The following SLCO3A1 variants were observed in gnomAD, a reference collection of about 807,000 sequenced individuals.
SLCO3A1 encodes the protein PGE1 transporter.
SLCO3A1 carries 27 observed loss-of-function variants against 63.1 expected under a neutral mutation model. That is an observed-to-expected ratio of 0.43 (90% CI 0.32 to 0.59). The LOEUF is 0.59. Among genes scored for constraint, SLCO3A1 ranks in the 20% least tolerant of loss-of-function variants. The pLI is 0.09. For synonymous variants in SLCO3A1, 473 were observed against 409.9 expected, an observed-to-expected ratio of 1.15 and a Z score of -1.86; for missense variants, 773 against 945.8, an observed-to-expected ratio of 0.82 and a Z score of 2.40.
At chr15:92,111,227 A>G (rs1238549451) in intron 4 of SLCO3A1, among the ~76,000 whole-genome samples, 1 of 152,114 alleles carries the variant, frequency 6.6e-6, no homozygotes, top group Non-Finnish European at 1.5e-5. Context: ...CACAGGACCC[A>G]CTTCATGCTT....
At chr15:91,925,175 C>T (rs933190501) in intron 2 of SLCO3A1, among the ~76,000 whole-genome samples, 2 of 152,262 alleles carry the variant, frequency 1.3e-5, no homozygotes, top group Admixed American at 6.5e-5. Flanking sequence ...CCTCTAATAA[C>T]ATGCGTATTG....
At chr15:91,919,814 CTT>C (rs993422218) in intron 2 of SLCO3A1, among the ~76,000 whole-genome samples, 1 of 151,502 alleles carries the variant, frequency 6.6e-6, no homozygotes, top group Non-Finnish European at 1.5e-5. Flanking sequence ...TTCTCAATAA[CTT>C]TATTCCTAGT....
intron 2 of SLCO3A1, among the ~76,000 whole-genome samples, chr15:92,039,515 T>A (rs2151486342): frequency 6.6e-6 from 1 of 151,798 alleles, no homozygotes; most frequent in Non-Finnish European, 1.5e-5. Flanking sequence ...AAAACGACAA[T>A]GAGATAGTGT....
intron 8 of SLCO3A1, among the ~76,000 whole-genome samples, chr15:92,147,753 C>G (rs1331257272): frequency 6.6e-6 from 1 of 152,214 alleles, no homozygotes; most frequent in African/African-American, 2.4e-5. Flanking sequence ...TTACCTGTCT[C>G]TGGGGACCTG....
At chr15:92,083,387 C>T (rs1280494526) in intron 2 of SLCO3A1, among the ~76,000 whole-genome samples, 1 of 152,146 alleles carries the variant, frequency 6.6e-6, no homozygotes, top group Non-Finnish European at 1.5e-5. Context: ...TCTCACTGTC[C>T]TCAGGTGCCC....
chr15:91,909,492 T>C (rs1025877781), intron 1 of SLCO3A1, among the ~76,000 whole-genome samples: 9 of 152,204 alleles, frequency 5.9e-5, no homozygotes, highest in African/African-American at 1.7e-4. Flanking sequence ...CCACAGGTTT[T>C]TGCAGGACCA....
downstream of SLCO3A1, among the ~76,000 whole-genome samples, chr15:92,169,432 C>T (rs1327356909): frequency 6.6e-6 from 1 of 152,216 alleles, no homozygotes; most frequent in Non-Finnish European, 1.5e-5. Flanking sequence ...TGTGGGGCCC[C>T]ACATGCTCCC....
chr15:92,130,216 A>G (rs1328483431), intron 7 of SLCO3A1, among the ~76,000 whole-genome samples: 2 of 152,260 alleles, frequency 1.3e-5, no homozygotes, highest in Non-Finnish European at 2.9e-5. Context: ...AGTCTTATTG[A>G]ATAAGAGCCT....
chr15:91,876,196 TC>T (rs1456960804), intron 1 of SLCO3A1, among the ~76,000 whole-genome samples: 1 of 152,214 alleles, frequency 6.6e-6, no homozygotes, highest in African/African-American at 2.4e-5. Flanking sequence ...TCTTCAGCTT[TC>T]ACTCCCAGGA....
intron 2 of SLCO3A1, among the ~76,000 whole-genome samples, chr15:91,952,954 G>A (rs1900047187): frequency 6.6e-6 from 1 of 152,170 alleles, no homozygotes; most frequent in South Asian, 2.1e-4. Flanking sequence ...AGAGGCAGCT[G>A]AGTGAGTCAC....
chr15:92,062,803 T>G (rs1286176730), intron 2 of SLCO3A1, among the ~76,000 whole-genome samples: 1 of 152,184 alleles, frequency 6.6e-6, no homozygotes, highest in Non-Finnish European at 1.5e-5. Context: ...TGCTGGATGC[T>G]CATTAAGGCT....
chr15:92,108,390 T>C (rs1044797425), intron 4 of SLCO3A1, among the ~76,000 whole-genome samples: 1 of 152,222 alleles, frequency 6.6e-6, no homozygotes, highest in Non-Finnish European at 1.5e-5. Flanking sequence ...CACCTCACAT[T>C]CGTCCTCTTG....
intron 2 of SLCO3A1, among the ~76,000 whole-genome samples, chr15:92,010,595 A>G (rs571374329): frequency 6.6e-6 from 1 of 152,222 alleles, no homozygotes; most frequent in African/African-American, 2.4e-5. Context: ...TTCCTGTTAC[A>G]GTGCCATTGT....
intron 2 of SLCO3A1, among the ~76,000 whole-genome samples, chr15:92,052,228 G>A (rs1303603309): frequency 6.6e-6 from 1 of 152,126 alleles, no homozygotes; most frequent in Non-Finnish European, 1.5e-5. Context: ...CCATGCTCCT[G>A]TCATCCACCT....
chr15:91,868,265 T>A lies in SLCO3A1; in HGVS notation c.180+14177T>A, dbSNP rs536340346. 7.0e-4 allele frequency among the ~76,000 whole-genome samples: 106 copies of A among 151,786 alleles called. No homozygotes were observed. In the Middle Eastern group the frequency reaches 0.024, roughly 34 times the overall value. On this transcript the variant is annotated intron_variant, in intron 1 of 9. Transcript: ENST00000318445. ...TGGGGTTTCGCCATGTTGGCCAGGC[T>A]AGTCTCGAACTCCTGACCTGAGGTG...
chr15:91,917,047 T>C (rs1165829064), intron 2 of SLCO3A1, among the ~76,000 whole-genome samples: 1 of 152,208 alleles, frequency 6.6e-6, no homozygotes, highest in African/African-American at 2.4e-5. Context: ...TGTTTTATAC[T>C]GGAAGGATGG....
intron 2 of SLCO3A1, among the ~76,000 whole-genome samples, chr15:91,995,808 T>C (rs1314686871): frequency 2.1e-5 from 3 of 145,422 alleles, no homozygotes; most frequent in Non-Finnish European, 4.5e-5. Flanking sequence ...AAGTATAATA[T>C]GAATTCATGA....
At position 91,942,935 on chromosome 15, in the gene SLCO3A1, G is replaced by C. The variant is rs907935547; in HGVS notation, c.646+26477G>C. Among the ~76,000 whole-genome samples, 1 of 152,198 alleles carries C rather than the reference G, an allele frequency of 6.6e-6. No homozygotes were observed. Among genetic ancestry groups the C allele is most frequent in the African/African-American group, 2.4e-5 (1 of 41,454 alleles). On this transcript the variant is annotated intron_variant, in intron 2 of 9. Coordinates refer to ENST00000318445, the MANE Select transcript of SLCO3A1 (RefSeq NM_013272.4). This position sits in a 1 kb window ranked among gnomAD's most constrained non-coding sequence, Gnocchi z 4.1. ...GCAGAACTGCTCTGCCCGAGTGGGCGTGGGGCCCAGGGCCCAGCCGTTTGA... is the reference window on the plus strand; with the variant it reads ...GCAGAACTGCTCTGCCCGAGTGGGCCTGGGGCCCAGGGCCCAGCCGTTTGA...
At chr15:92,065,412 C>T (rs941674657) in intron 2 of SLCO3A1, among the ~76,000 whole-genome samples, 48 of 152,170 alleles carry the variant, frequency 3.2e-4, no homozygotes, top group African/African-American at 1.1e-3. Context: ...GATCATTACA[C>T]ATGATATGCT....
Sources: gnomAD v4.1 joint callset for allele counts (sites outside exome capture counted in the v4.1 genomes callset) on GRCh38, gnomAD v4.1.1 for gene constraint, Gnocchi (gnomAD v3.1) non-coding constraint, MANE v1.5 for transcripts, NCBI Gene and HGNC (gene_info 2026-07-23, HGNC 2026-07-21) for gene names.